The following FBXO34 variants were observed in gnomAD, a reference collection of about 807,000 sequenced individuals.
FBXO34 encodes the protein F-box protein 34, also known as F-box only protein 34.
A neutral mutation model predicts 24.5 loss-of-function variants in FBXO34; 12 were observed. The ratio of observed to expected loss-of-function variants is 0.49; its 90% confidence interval spans 0.31 to 0.79. The LOEUF is 0.79. Ranked by LOEUF, FBXO34 falls within the 30% of genes least tolerant of loss-of-function variation. The pLI is 0.04. For synonymous variants in FBXO34, 320 were observed against 311.9 expected (o/e 1.03, Z -0.27); for missense variants, 823 against 857.7 (o/e 0.96, Z 0.51).
rs1192353548 is a variant in FBXO34, at chr14:55,298,780, G to A, written c.-11+27243G>A. The A allele has an allele frequency of 1.9e-6, 3 of 1,593,990 alleles. No homozygotes were observed. In the African/African-American group the frequency reaches 4.0e-5, roughly 21 times the overall value. On this transcript the variant is annotated intron_variant, in intron 1 of 1. Coordinates refer to ENST00000313833, the MANE Select transcript of FBXO34 (RefSeq NM_017943.4). ...GAGAAGAAAATCGAGCAGAGGCACGGCACCAAAAACAAGCCCGCGGCCCTC... is the reference window on the plus strand; with the variant it reads ...GAGAAGAAAATCGAGCAGAGGCACGACACCAAAAACAAGCCCGCGGCCCTC...
chr14:55,355,808 TGA>T, downstream of FBXO34, among the ~76,000 whole-genome samples: 1 of 152,090 alleles, frequency 6.6e-6, no homozygotes, highest in Non-Finnish European at 1.5e-5. Flanking sequence ...TCCTCTCGAG[TGA>T]CCATTTTAAT....
At chr14:55,408,249 C>T in the FBXO34 span, among the ~76,000 whole-genome samples, 25 of 152,130 alleles carry the variant, frequency 1.6e-4, 1 homozygote, top group South Asian at 3.3e-3. Flanking sequence ...GCTCCAGAGT[C>T]CAAGACCAGC....
intron 1 of FBXO34, among the ~76,000 whole-genome samples, chr14:55,328,896 G>A (rs923188524): frequency 1.3e-5 from 2 of 152,142 alleles, no homozygotes; most frequent in East Asian, 3.9e-4. Context: ...ATGTAAGCAT[G>A]TGTGCATTTT....
At chr14:55,272,725 C>T (rs986987560) in intron 1 of FBXO34, among the ~76,000 whole-genome samples, 3 of 151,752 alleles carry the variant, frequency 2.0e-5, no homozygotes, top group Non-Finnish European at 4.4e-5. Context: ...CCTATCCCAC[C>T]CTATGGTACC....
At chr14:55,424,070 C>T in the FBXO34 span, 19 of 882,266 alleles carry the variant, frequency 2.2e-5, no homozygotes, top group Admixed American at 4.1e-4. Context: ...AATTACTTTA[C>T]CATGGTGAAC....
intron 1 of FBXO34, among the ~76,000 whole-genome samples, chr14:55,316,724 CAAAAA>C (rs61450097): frequency 7.9e-6 from 1 of 127,316 alleles, no homozygotes; most frequent in South Asian, 2.5e-4. Context: ...AGGAACATCT[CAAAAA>C]AAAAAAAAGC....
the FBXO34 span, chr14:55,436,682 T>C: frequency 6.2e-7 from 1 of 1,614,198 alleles, no homozygotes; most frequent in East Asian, 2.2e-5. Context: ...ACTGAGTCAG[T>C]ATCACCAGGG....
rs750286811 is a variant in FBXO34, at chr14:55,351,759, A to G, written c.1369A>G (p.Ser457Gly). The change falls in exon 2 of 2, where the codon AGT (serine) becomes GGT (glycine). Residue 457 changes from serine to glycine, a missense_variant. By Grantham distance (56) the Ser-to-Gly change is moderately conservative. Transcript: ENST00000313833. ...PDQRKESLCI[S>G]ITVSKVDKDQ... ...TCAAAGAAAAGAATCTTTGTGCATT[A>G]GTATCACTGTGTCCAAGGTAGACAA... 3 of 1,614,204 alleles carry G rather than the reference A, an allele frequency of 1.9e-6. No homozygotes were observed. In the African/African-American group the frequency reaches 4.0e-5, roughly 22 times the overall value.
chr14:55,284,328 A>G (rs1881677285), intron 1 of FBXO34, among the ~76,000 whole-genome samples: 1 of 152,052 alleles, frequency 6.6e-6, no homozygotes, highest in South Asian at 2.1e-4. Context: ...AGCCTGACCA[A>G]CATGGTGAAA....
the FBXO34 span, among the ~76,000 whole-genome samples, chr14:55,407,573 G>A: frequency 2.0e-5 from 3 of 152,186 alleles, no homozygotes; most frequent in Non-Finnish European, 4.4e-5. Context: ...CCCCTATGTT[G>A]AGTTTTAAAA....
In FBXO34 at chr14:55,319,865, C is replaced by T. The variant is rs369889727; in HGVS notation, c.-10-30516C>T. 5.3e-5 allele frequency among the ~76,000 whole-genome samples: 8 copies of T among 152,096 alleles called. No homozygotes were observed. The South Asian group carries it at 8.3e-4, about 16-fold the overall frequency. ...TAATTTTTTGTATTTTTAGTAGAGA[C>T]GGGGTTTCACCGTGTTAGCCAGGAT... On this transcript the variant is annotated intron_variant, in intron 1 of 1. Transcript: ENST00000313833.
chr14:55,402,535 C>T, the FBXO34 span, among the ~76,000 whole-genome samples: 1 of 151,984 alleles, frequency 6.6e-6, no homozygotes, highest in African/African-American at 2.4e-5. Flanking sequence ...GGGAGAAAGA[C>T]TAAATGATAG....
chr14:55,311,605 C>T (rs375445568), intron 1 of FBXO34, among the ~76,000 whole-genome samples: 29 of 152,264 alleles, frequency 1.9e-4, no homozygotes, highest in Non-Finnish European at 3.4e-4. Context: ...TACAGTGGAT[C>T]GGATACAGGC....
chr14:55,304,326 C>T (rs1350385460), intron 1 of FBXO34, among the ~76,000 whole-genome samples: 1 of 152,088 alleles, frequency 6.6e-6, no homozygotes, highest in Non-Finnish European at 1.5e-5. Context: ...TATTCTCATC[C>T]TTGAAAATCT....
chr14:55,436,635 C>T, the FBXO34 span: 1 of 1,614,148 alleles, frequency 6.2e-7, no homozygotes, highest in Non-Finnish European at 8.5e-7. Flanking sequence ...ATGCCAGAGA[C>T]AAGGAGTCGG....
At chr14:55,354,011 A>G (rs1360112693), downstream of FBXO34, among the ~76,000 whole-genome samples, 1 of 152,034 alleles carries the variant, frequency 6.6e-6, no homozygotes, top group Non-Finnish European at 1.5e-5. Flanking sequence ...GAAATCGAGT[A>G]CCCACCAAAA....
the FBXO34 span, among the ~76,000 whole-genome samples, chr14:55,384,962 C>T: frequency 1.3e-5 from 2 of 152,292 alleles, no homozygotes; most frequent in South Asian, 4.1e-4. Flanking sequence ...GATGAACAGC[C>T]AGATGGGGGA....
chr14:55,413,103 A>C, the FBXO34 span, among the ~76,000 whole-genome samples: 1 of 152,238 alleles, frequency 6.6e-6, no homozygotes, highest in Non-Finnish European at 1.5e-5. Flanking sequence ...CTCTATATTC[A>C]GAATACAGTT....
the FBXO34 span, among the ~76,000 whole-genome samples, chr14:55,395,551 T>C: frequency 6.6e-6 from 1 of 152,238 alleles, no homozygotes; most frequent in African/African-American, 2.4e-5. Flanking sequence ...TCTGTCAAAA[T>C]GCTTTCCTCT....
Sources: gnomAD v4.1 joint callset for allele counts (sites outside exome capture counted in the v4.1 genomes callset) on GRCh38, gnomAD v4.1.1 for gene constraint, MANE v1.5 for transcripts, NCBI Gene and HGNC (gene_info 2026-07-23, HGNC 2026-07-21) for gene names.